FBXL2: variants seen among roughly 807,000 people sequenced by gnomAD.
FBXL2 encodes F-box/LRR-repeat protein 2.
A neutral mutation model predicts 69.2 loss-of-function variants in FBXL2; 38 were observed. The observed-to-expected ratio is 0.55, with a 90% CI of 0.42 to 0.72. FBXL2 has a LOEUF of 0.72. Among genes scored for constraint, FBXL2 ranks in the 30% least tolerant of loss-of-function variants. FBXL2 has a pLI of 0.00. For missense variants in FBXL2, 354 were observed against 520.3 expected (o/e 0.68, Z 3.11); for synonymous variants, 192 against 201.3 (o/e 0.95, Z 0.39).
chr3:33,402,865 T>C, intron 12 of FBXL2: 1 of 1,610,690 alleles, frequency 6.2e-7, no homozygotes, highest in African/African-American at 1.3e-5. Context: ...GAAGGGCTGT[T>C]ATTCACATAG....
chr3:33,418,264 T>C, the FBXL2 span, among the ~76,000 whole-genome samples: 2 of 152,138 alleles, frequency 1.3e-5, no homozygotes, highest in Admixed American at 6.5e-5. Context: ...TATTTATTTA[T>C]TTATTTTGAC....
intron 12 of FBXL2, among the ~76,000 whole-genome samples, chr3:33,378,433 C>T (rs2042786526): frequency 6.6e-6 from 1 of 152,192 alleles, no homozygotes; most frequent in Non-Finnish European, 1.5e-5. Flanking sequence ...GGGAACCCTC[C>T]TTGCCCACTC....
chr3:33,421,905 A>G, the FBXL2 span, among the ~76,000 whole-genome samples: 2 of 152,112 alleles, frequency 1.3e-5, no homozygotes, highest in Non-Finnish European at 1.5e-5. Context: ...TTAGCCACAC[A>G]TGGTGGCATG....
chr3:33,418,362 TC>T, the FBXL2 span, among the ~76,000 whole-genome samples: 1 of 152,068 alleles, frequency 6.6e-6, no homozygotes, highest in Middle Eastern at 3.4e-3. Context: ...CAAGCAATTC[TC>T]CCTGCCTTGG....
chr3:33,312,455 G>C (rs572861066), intron 2 of FBXL2, among the ~76,000 whole-genome samples: 33 of 152,240 alleles, frequency 2.2e-4, no homozygotes, highest in African/African-American at 7.7e-4. Context: ...ATGTTTTCCT[G>C]ATTTTTGTGA....
intron 2 of FBXL2, among the ~76,000 whole-genome samples, chr3:33,304,213 A>G (rs1318445637): frequency 6.6e-6 from 1 of 152,066 alleles, no homozygotes; most frequent in Non-Finnish European, 1.5e-5. Context: ...TGATCCATGC[A>G]TTGCCCTCTT....
chr3:33,310,093 A>G (rs2037057292), intron 2 of FBXL2, among the ~76,000 whole-genome samples: 1 of 152,196 alleles, frequency 6.6e-6, no homozygotes. Context: ...ACATTTTTAA[A>G]CATTGTGTAT....
chr3:33,359,159 ATTAAC>A (rs2041430032), intron 3 of FBXL2, 119 bp from the exon 4 acceptor site: 3 of 929,692 alleles, frequency 3.2e-6, no homozygotes, highest in Non-Finnish European at 4.7e-6. Context: ...GCATTTGATG[ATTAAC>A]TTAATATACA....
At chr3:33,289,995 C>G (rs1382776487) in intron 1 of FBXL2, among the ~76,000 whole-genome samples, 2 of 152,120 alleles carry the variant, frequency 1.3e-5, no homozygotes, top group Non-Finnish European at 1.5e-5. Context: ...GTCAGGGTAA[C>G]AGAGCAAAGA....
chr3:33,371,248 T>C (rs2042283513), intron 5 of FBXL2, among the ~76,000 whole-genome samples: 2 of 147,944 alleles, frequency 1.4e-5, no homozygotes, highest in South Asian at 4.5e-4. Context: ...CACTGCAACC[T>C]CCACCTCCCG....
At chr3:33,343,471 CA>C (rs1286143463) in intron 2 of FBXL2, among the ~76,000 whole-genome samples, 1 of 151,782 alleles carries the variant, frequency 6.6e-6, no homozygotes, top group Non-Finnish European at 1.5e-5. Context: ...TCTAATTTGG[CA>C]TTAATAATAA....
chr3:33,375,646 T>C (rs1422796120), intron 10 of FBXL2, among the ~76,000 whole-genome samples: 1 of 152,158 alleles, frequency 6.6e-6, no homozygotes, highest in African/African-American at 2.4e-5. Flanking sequence ...CAAACTTTAA[T>C]TTCTTAATGA....
At chr3:33,305,206 A>C (rs761298647) in intron 2 of FBXL2, among the ~76,000 whole-genome samples, 10 of 151,938 alleles carry the variant, frequency 6.6e-5, no homozygotes, top group Non-Finnish European at 1.0e-4. Context: ...CCCTGAAGAC[A>C]AAGAGATAGT....
chr3:33,396,833 G>A (rs1364462304), intron 12 of FBXL2: 1 of 678,946 alleles, frequency 1.5e-6, no homozygotes, highest in South Asian at 1.5e-5. Flanking sequence ...CAGTCTTACA[G>A]TCTACCTCTG....
At chr3:33,367,436 T>C (rs1349166152) in intron 5 of FBXL2, among the ~76,000 whole-genome samples, 2 of 152,204 alleles carry the variant, frequency 1.3e-5, no homozygotes, top group East Asian at 3.8e-4. Flanking sequence ...TAAATGAGTT[T>C]TGGTAGTCTG....
intron 4 of FBXL2, among the ~76,000 whole-genome samples, chr3:33,361,098 ATTTTT>A (rs58660334): frequency 8.6e-6 from 1 of 116,340 alleles, no homozygotes; most frequent in Admixed American, 9.4e-5. Context: ...CGCCCGGCTA[ATTTTT>A]TTTTTTTTTT....
At chr3:33,382,751 T>G (rs1397685969) in intron 13 of FBXL2, 1 of 152,200 alleles carries the variant, frequency 6.6e-6, no homozygotes, top group Non-Finnish European at 1.5e-5. Context: ...CCAACACTTA[T>G]TTTCCATCTT....
chr3:33,334,556 A>C (rs1435384401), intron 2 of FBXL2, among the ~76,000 whole-genome samples: 1 of 152,244 alleles, frequency 6.6e-6, no homozygotes, highest in Non-Finnish European at 1.5e-5. Context: ...GTAAGGAAAT[A>C]TTAAGAGGTC....
intron 2 of FBXL2, among the ~76,000 whole-genome samples, chr3:33,339,676 T>G (rs151003988): frequency 2.9e-4 from 44 of 152,088 alleles, no homozygotes; most frequent in Middle Eastern, 3.4e-3. Flanking sequence ...GTAACAAACC[T>G]GCACATGTAC....
Sources: gnomAD v4.1 joint callset for allele counts (sites outside exome capture counted in the v4.1 genomes callset) on GRCh38, gnomAD v4.1.1 for gene constraint, MANE v1.5 for transcripts, NCBI Gene and HGNC (gene_info 2026-07-23, HGNC 2026-07-21) for gene names.